The following KCNQ3 variants were observed in gnomAD, a reference collection of about 807,000 sequenced individuals.
KCNQ3 encodes the protein potassium voltage-gated channel subfamily KQT member 3.
KCNQ3 carries 30 observed loss-of-function variants against 92.5 expected under a neutral mutation model. The ratio of observed to expected loss-of-function variants is 0.32; its 90% CI spans 0.24 to 0.44. KCNQ3 has a LOEUF of 0.44. Ranked by LOEUF, KCNQ3 falls within the 20% of genes least tolerant of loss-of-function variation. The pLI is 1.00. For missense variants in KCNQ3, 913 were observed against 1,140.3 expected (o/e 0.80, Z 2.87); for synonymous variants, 450 against 468.8 (o/e 0.96, Z 0.52).
intron 1 of KCNQ3, among the ~76,000 whole-genome samples, chr8:132,252,317 G>GT (rs1417408006): frequency 1.7e-5 from 2 of 116,596 alleles, no homozygotes; most frequent in Non-Finnish European, 4.2e-5. Context: ...CCTTCCAGTG[G>GT]GTCATGGTCT....
chr8:132,424,610 C>A (rs1821059837), intron 1 of KCNQ3, among the ~76,000 whole-genome samples: 1 of 152,196 alleles, frequency 6.6e-6, no homozygotes, highest in Non-Finnish European at 1.5e-5. Flanking sequence ...GTTCTCTTAA[C>A]AAATTAACAC....
At chr8:132,416,971 C>G (rs1164175913) in intron 1 of KCNQ3, among the ~76,000 whole-genome samples, 2 of 152,012 alleles carry the variant, frequency 1.3e-5, no homozygotes. Context: ...TCTGAGGGAG[C>G]CTGAAGGGTG....
At chr8:132,364,381 C>T (rs1442970316) in intron 1 of KCNQ3, among the ~76,000 whole-genome samples, 2 of 152,164 alleles carry the variant, frequency 1.3e-5, no homozygotes, top group Admixed American at 6.5e-5. Flanking sequence ...GGCTGATGAT[C>T]CCACATTATG....
intron 1 of KCNQ3, among the ~76,000 whole-genome samples, chr8:132,475,266 T>G (rs1341922905): frequency 6.6e-6 from 1 of 152,156 alleles, no homozygotes; most frequent in East Asian, 1.9e-4. Flanking sequence ...GGCACTCCCA[T>G]AAAGATACTT....
In KCNQ3 at chr8:132,184,375, G is replaced by A; in HGVS notation, c.478-8C>T. 1 of 1,613,984 alleles carries A rather than the reference G, an allele frequency of 6.2e-7. No homozygotes were observed. The highest frequency in any genetic ancestry group is 2.2e-5 in the East Asian group (1 of 44,866). Reference sequence around the variant, plus strand: ...GAAAATAGCAAATGTCTCCTGCATGGAAGAGCATATGGAGAGGCACTGATT... The same window carrying A: ...GAAAATAGCAAATGTCTCCTGCATGAAAGAGCATATGGAGAGGCACTGATT... On this transcript the variant is annotated splice_region_variant and splice_polypyrimidine_tract_variant and intron_variant, in intron 2 of 14. Transcript: ENST00000388996.
At chr8:132,269,168 T>C (rs965591837) in intron 1 of KCNQ3, among the ~76,000 whole-genome samples, 1 of 152,256 alleles carries the variant, frequency 6.6e-6, no homozygotes, top group Non-Finnish European at 1.5e-5. Flanking sequence ...GCTTGTCTTT[T>C]CATTCTCTTG....
intron 1 of KCNQ3, among the ~76,000 whole-genome samples, chr8:132,449,932 A>G (rs1821781906): frequency 6.6e-6 from 1 of 151,982 alleles, no homozygotes; most frequent in African/African-American, 2.4e-5. Flanking sequence ...CCAGCCCCCA[A>G]CTCTAGCCCT....
In KCNQ3 at chr8:132,140,939, T is replaced by C. The variant is rs1026178535; in HGVS notation, c.1465+190A>G. Reference sequence around the variant, plus strand: ...GCCTGCAGCCCTAGACTCCTGGGAATACATCACAATGCCTCAGCCCAAGGG... The same window carrying C: ...GCCTGCAGCCCTAGACTCCTGGGAACACATCACAATGCCTCAGCCCAAGGG... On this transcript the variant is annotated intron_variant, in intron 10 of 14. Coordinates refer to ENST00000388996, the MANE Select transcript of KCNQ3 (RefSeq NM_004519.4). The C allele has an allele frequency of 8.0e-6, 5 of 626,596 alleles. No homozygotes were observed. The African/African-American group carries it at 9.2e-5, about 11-fold the overall frequency. 38.8% of individuals were successfully genotyped at this position (626,596 alleles called of 1,614,324 possible).
rs1329571058 is a variant in KCNQ3 at position 132,480,385 on chromosome 8, C to G, written c.148G>C (p.Val50Leu). ...CCGAGCGCCAAGGTGACTTGCTCCA[C>G]GTCGCCGGGCGCCAGCCCCACTTTC... The part of the protein sequence containing the change: ...ERKVGLAPGD[V>L]EQVTLALGAG... The change falls in exon 1 of 15, where the codon GTG becomes CTG. Residue 50 changes from valine (V) to leucine (L), a missense_variant. Val to Leu is a conservative substitution (Grantham distance 32). Coordinates refer to ENST00000388996, the MANE Select transcript of KCNQ3 (RefSeq NM_004519.4). 3 of 1,558,164 alleles carry G rather than the reference C, an allele frequency of 1.9e-6. No homozygotes were observed. Among genetic ancestry groups the G allele is most frequent in the Non-Finnish European group, 2.6e-6 (3 of 1,160,622 alleles).
chr8:132,436,155 T>C (rs1438977381), intron 1 of KCNQ3, among the ~76,000 whole-genome samples: 1 of 152,242 alleles, frequency 6.6e-6, no homozygotes, highest in Non-Finnish European at 1.5e-5. Context: ...CTTTTTTGAA[T>C]TAATGTAGTT....
chr8:132,205,917 C>T (rs778356062), intron 1 of KCNQ3, among the ~76,000 whole-genome samples: 1 of 152,116 alleles, frequency 6.6e-6, no homozygotes, highest in Non-Finnish European at 1.5e-5. Context: ...CTCTCTCTAG[C>T]AGAAGTCCCT....
intron 1 of KCNQ3, chr8:132,321,671 A>T (rs1817895906): frequency 1.3e-5 from 2 of 151,826 alleles, no homozygotes; most frequent in African/African-American, 4.8e-5. Context: ...TCCTAACCAC[A>T]TTTTTCTGGG....
intron 1 of KCNQ3, among the ~76,000 whole-genome samples, chr8:132,305,544 T>C (rs1219007208): frequency 6.6e-6 from 1 of 152,158 alleles, no homozygotes; most frequent in African/African-American, 2.4e-5. Flanking sequence ...ATAACCAGTG[T>C]TCCCTGGTGG....
At chr8:132,389,317 C>T (rs186766614) in intron 1 of KCNQ3, among the ~76,000 whole-genome samples, 3 of 152,036 alleles carry the variant, frequency 2.0e-5, no homozygotes, top group African/African-American at 7.2e-5. Flanking sequence ...ATTAGCTGGG[C>T]GTGGTGGCAC....
At chr8:132,364,812 T>C (rs1172628683) in intron 1 of KCNQ3, among the ~76,000 whole-genome samples, 2 of 152,182 alleles carry the variant, frequency 1.3e-5, no homozygotes, top group Non-Finnish European at 2.9e-5. Flanking sequence ...TTACTTATAC[T>C]ACTAATCATA....
intron 1 of KCNQ3, among the ~76,000 whole-genome samples, chr8:132,224,893 G>T (rs960059564): frequency 6.6e-6 from 1 of 152,136 alleles, no homozygotes; most frequent in East Asian, 1.9e-4. Context: ...GCAGGGAAAG[G>T]GTCGGGTCTT....
chr8:132,141,160 C>A lies in KCNQ3; in HGVS notation c.1434G>T (p.Met478Ile). Reference protein sequence around the residue: ...NKERFRTAFRMKAYAFWQSSE... With the variant: ...NKERFRTAFRIKAYAFWQSSE... ...AACTCTGCCAGAAAGCGTAGGCTTT[C>A]ATGCGGAAGGCCGTGCGGAAACGCT... The change falls in exon 10 of 15, where the codon ATG (methionine) becomes ATT (isoleucine). Residue 478 changes from methionine to isoleucine, a missense_variant. Physicochemically the swap from Met to Ile is conservative, Grantham distance 10. Coordinates refer to ENST00000388996, the MANE Select transcript of KCNQ3 (RefSeq NM_004519.4). 1 of 1,614,196 alleles carries A rather than the reference C, an allele frequency of 6.2e-7. No homozygotes were observed. The highest frequency in any genetic ancestry group is 8.5e-7 in the Non-Finnish European group (1 of 1,180,026).
chr8:132,462,938 C>G (rs1179395087), intron 1 of KCNQ3, among the ~76,000 whole-genome samples: 2 of 152,124 alleles, frequency 1.3e-5, no homozygotes, highest in South Asian at 4.1e-4. Context: ...GTCTCTTTTT[C>G]TACACACACA....
At chr8:132,140,506 C>G (rs766258122) in intron 10 of KCNQ3, 6 of 344,932 alleles carry the variant, frequency 1.7e-5, no homozygotes, top group South Asian at 3.4e-5. Context: ...CAGAAGCCAG[C>G]AAACAACACA....
Sources: allele counts gnomAD v4.1 joint callset (sites outside exome capture counted in the v4.1 genomes callset), GRCh38; gene constraint gnomAD v4.1.1; transcripts MANE v1.5; gene names NCBI Gene and HGNC (gene_info 2026-07-23, HGNC 2026-07-21).